ACAN: variants seen among roughly 807,000 people sequenced by gnomAD.
ACAN encodes the protein aggrecan core protein.
A neutral mutation model predicts 169.1 loss-of-function variants in ACAN; 47 were observed. The ratio of observed to expected loss-of-function variants is 0.28; its 90% CI spans 0.22 to 0.35. The LOEUF (loss-of-function observed/expected upper bound fraction) is 0.35. Among genes scored for constraint, ACAN ranks in the 10% least tolerant of loss-of-function variants. The probability of loss-of-function intolerance (pLI) is 1.00; values close to 1 mark genes in which losing one functional copy is unlikely to be tolerated. For missense variants in ACAN, 2,716 were observed against 2,759.9 expected, an observed-to-expected ratio of 0.98 and a Z score of 0.36; for synonymous variants, 1,115 against 1,112.2, an observed-to-expected ratio of 1.00 and a Z score of -0.05.
At chr15:88,836,358 A>C in intron 2 of ACAN, 82 bp downstream of exon 2, 1 of 1,226,706 alleles carries the variant, frequency 8.2e-7, no homozygotes. Flanking sequence ...ACCTGGTGCT[A>C]CTGGTCCCAG....
intron 2 of ACAN, 91 bp downstream of exon 2, chr15:88,836,367 A>T: frequency 8.7e-7 from 1 of 1,155,374 alleles, no homozygotes; most frequent in Non-Finnish European, 1.3e-6. Context: ...TACTGGTCCC[A>T]GGGATATAAT....
At position 88,858,175 on chromosome 15, in the gene ACAN, G is replaced by T. The variant is rs1897105618; in HGVS notation, c.5590G>T (p.Asp1864Tyr). 6.2e-7 allele frequency: 1 copy of T among 1,613,964 alleles called. No individual in the cohort carries two copies. Among genetic ancestry groups the T allele is most frequent in the Non-Finnish European group, 8.5e-7 (1 of 1,179,908 alleles). The change falls in exon 12 of 19, where the codon GAT becomes TAT. Residue 1864 changes from aspartate (D) to tyrosine (Y), a missense_variant. By Grantham distance (160) the Asp-to-Tyr change is radical. This residue lies in a region of ACAN where 1,389 missense variants were observed against 1,363.7 expected (regional missense o/e 1.02). Coordinates refer to ENST00000560601, the MANE Select transcript of ACAN (RefSeq NM_001369268.1). This position sits in a 1 kb window ranked among gnomAD's most constrained non-coding sequence, Gnocchi z 4.0. ...CAGTGGCCTCCCTTCCGGAGAGGCA[G>T]ATCTGTCAGGCAAATCTGGGATGGT... ...ELSGLPSGEA[D>Y]LSGKSGMVDV...
chr15:88,862,093 C>T (rs1055221272), intron 13 of ACAN, among the ~76,000 whole-genome samples: 10 of 152,318 alleles, frequency 6.6e-5, no homozygotes, highest in African/African-American at 2.4e-4. Flanking sequence ...AAATAAGAAA[C>T]TCCCTCTTGA....
In ACAN at chr15:88,859,218, TG is replaced by T; in HGVS notation, c.6634del (p.Val2212SerfsTer23). The T allele has an allele frequency of 6.2e-7, 1 of 1,613,868 alleles. No homozygotes were observed. On this transcript the variant is annotated frameshift_variant, in exon 12 of 19. Coordinates refer to ENST00000560601, the MANE Select transcript of ACAN (RefSeq NM_001369268.1). LOFTEE classifies it high-confidence loss of function. Reference protein sequence around the residue: ...LSGHTSQLGVVISTSIPESEW... With the variant: ...LSGHTSQLGVXISTSIPESEW... ...CTGGTCACACCTCGCAGCTGGGCGT[TG>T]TCATCAGCACCAGCATCCCAGAGTC...
At chr15:88,826,374 CTTTTTTTTTTTTTT>C (rs59069149) in intron 1 of ACAN, among the ~76,000 whole-genome samples, 2 of 111,588 alleles carry the variant, frequency 1.8e-5, no homozygotes, top group African/African-American at 7.1e-5. Context: ...CCTTTTTTTT[CTTTTTTTTTTTTTT>C]TTTTTGGAGC....
rs2280468 is a variant in ACAN, at chr15:88,838,325, C to T, written c.71-338C>T. Among the ~76,000 whole-genome samples, 54,046 of 152,020 alleles carry T rather than the reference C, an allele frequency of 0.36. 10,472 individuals are homozygous for T. The highest frequency in any genetic ancestry group is 0.52 in the African/African-American group (21,601 of 41,464). On this transcript the variant is annotated intron_variant, in intron 2 of 18. Coordinates refer to ENST00000560601, the MANE Select transcript of ACAN (RefSeq NM_001369268.1). This position sits in a 1 kb window ranked among gnomAD's most constrained non-coding sequence, Gnocchi z 5.1. Reference sequence around the variant, plus strand: ...AGGAGATGGGTCCTGTTTTATTCCACGCTTTGGTGCCCACTGCAGTACCCC... The same window carrying T: ...AGGAGATGGGTCCTGTTTTATTCCATGCTTTGGTGCCCACTGCAGTACCCC...
intron 1 of ACAN, among the ~76,000 whole-genome samples, chr15:88,812,845 A>T (rs1045879107): frequency 8.6e-5 from 13 of 151,910 alleles, no homozygotes; most frequent in African/African-American, 2.9e-4. Context: ...CACCAAGGGG[A>T]GTGAGGAGGT....
chr15:88,863,023 A>G (rs1298368545), intron 13 of ACAN, among the ~76,000 whole-genome samples: 5 of 151,416 alleles, frequency 3.3e-5, no homozygotes, highest in Non-Finnish European at 5.9e-5. Context: ...AAAAAGAAAC[A>G]AGACCATGGA....
At position 88,843,560 on chromosome 15, in the gene ACAN, C is replaced by T. The variant is rs765665954; in HGVS notation, c.963C>T (p.Asn321=). 1.9e-6 allele frequency: 3 copies of T among 1,612,640 alleles called. No homozygotes were observed. The highest frequency in any genetic ancestry group is 2.5e-6 in the Non-Finnish European group (3 of 1,179,612). The part of the protein sequence containing the change: ...ISKARPNCGG[N]LLGVRTVYVH... ...AGGCCCGGCCCAACTGCGGTGGCAACCTCCTGGGCGTGAGGACCGTCTACG... is the reference window on the plus strand; with the variant it reads ...AGGCCCGGCCCAACTGCGGTGGCAATCTCCTGGGCGTGAGGACCGTCTACG... The change falls in exon 6 of 19, where the codon AAC becomes AAT. Residue 321 remains asparagine (N), a synonymous_variant. Transcript: ENST00000560601. The surrounding 1 kb of genome is among the most constrained non-coding windows in gnomAD (Gnocchi z 4.0).
intron 1 of ACAN, among the ~76,000 whole-genome samples, chr15:88,804,496 G>C (rs755246865): frequency 1.3e-5 from 2 of 152,154 alleles, no homozygotes; most frequent in Non-Finnish European, 2.9e-5. Context: ...GTCCAACCAA[G>C]AAGGGGCATT....
intron 6 of ACAN, among the ~76,000 whole-genome samples, chr15:88,844,196 G>C (rs1316688099): frequency 1.1e-4 from 17 of 151,736 alleles, no homozygotes; most frequent in Non-Finnish European, 1.5e-5. Context: ...GTTCAGTGGT[G>C]TAATCATAGC....
At chr15:88,833,730 C>T (rs1463277325) in intron 1 of ACAN, among the ~76,000 whole-genome samples, 1 of 69,240 alleles carries the variant, frequency 1.4e-5, no homozygotes, top group Non-Finnish European at 2.6e-5. Flanking sequence ...TCCCCCTACC[C>T]CCACTCTCCT....
Position 88,858,639 on chromosome 15 carries a change from C to T in ACAN, c.6054C>T (p.Ser2018=). 2 of 1,613,940 alleles carry T rather than the reference C, an allele frequency of 1.2e-6. No homozygotes were observed. Among genetic ancestry groups the T allele is most frequent in the Admixed American group, 1.7e-5 (1 of 60,018 alleles). ...FASTTNVSGE[S]SVAMGTSGEA... ...GCACCACCAATGTAAGTGGAGAATC[C>T]TCTGTAGCCATGGGCACCAGTGGAG... Residue 2018 remains serine (S), a synonymous_variant, in exon 12 of 19, where the codon TCC becomes TCT. Transcript: ENST00000560601. This position sits in a 1 kb window ranked among gnomAD's most constrained non-coding sequence, Gnocchi z 4.0.
chr15:88,828,483 A>C (rs1049369681), intron 1 of ACAN, among the ~76,000 whole-genome samples: 1 of 151,846 alleles, frequency 6.6e-6, no homozygotes, highest in Non-Finnish European at 1.5e-5. Flanking sequence ...CCACCCTCCC[A>C]ACCTCACAAC....
chr15:88,864,714 A>C (rs1255510013), intron 13 of ACAN, among the ~76,000 whole-genome samples: 1 of 152,232 alleles, frequency 6.6e-6, no homozygotes, highest in Non-Finnish European at 1.5e-5. Context: ...AGGTCTTTGC[A>C]ACATGCAGAG....
rs1596157890 is a variant in ACAN at position 88,873,286 on chromosome 15, G to A, written c.7447+261G>A. Reference sequence around the variant, plus strand: ...ATGAAGGTCACAGGCTAGAAGACAGGACCCCCACTCCACACTCCACACAGT... The same window carrying A: ...ATGAAGGTCACAGGCTAGAAGACAGAACCCCCACTCCACACTCCACACAGT... On this transcript the variant is annotated intron_variant, in intron 17 of 18. Coordinates refer to ENST00000560601, the MANE Select transcript of ACAN (RefSeq NM_001369268.1). This position sits in a 1 kb window ranked among gnomAD's most constrained non-coding sequence, Gnocchi z 7.5. 6.6e-6 allele frequency among the ~76,000 whole-genome samples: 1 copy of A among 152,268 alleles called. No individual in the cohort carries two copies. Among genetic ancestry groups the A allele is most frequent in the South Asian group, 2.1e-4 (1 of 4,820 alleles).
rs200118502 is a variant in ACAN, at chr15:88,843,570, G to A, written c.973G>A (p.Val325Met). The A allele has an allele frequency of 5.9e-5, 95 of 1,612,176 alleles. 1 individual carries two copies. The highest frequency in any genetic ancestry group is 1.3e-4 in the South Asian group (12 of 91,022). Residue 325 changes from valine to methionine, a missense_variant, in exon 6 of 19, where the codon GTG (valine) becomes ATG (methionine). Around this residue, in one of 3 missense-constraint regions of ACAN, gnomAD observed 1,283 missense variants for 1,281.5 expected, o/e 1.00. Transcript: ENST00000560601. The surrounding 1 kb of genome is among the most constrained non-coding windows in gnomAD (Gnocchi z 4.0). ...RPNCGGNLLG[V>M]RTVYVHANQT... ...CAACTGCGGTGGCAACCTCCTGGGC[G>A]TGAGGACCGTCTACGTGCATGCCAA...
At position 88,874,408 on chromosome 15, in the gene ACAN, C is replaced by T. The variant is rs1434923438; in HGVS notation, c.7634C>T (p.Thr2545Ile). ...EEPQITCTDP[T>I]TYKRRLQKRS... Reference sequence around the variant, plus strand: ...TTCCATCTCCCTTTCGTCCTAGCCACCACCTACAAACGCAGACTACAGAAG... The same window carrying T: ...TTCCATCTCCCTTTCGTCCTAGCCATCACCTACAAACGCAGACTACAGAAG... Residue 2545 changes from threonine to isoleucine, a missense_variant, in exon 19 of 19, where the codon ACC (threonine) becomes ATC (isoleucine). By Grantham distance (89) the Thr-to-Ile change is moderately conservative (BLOSUM62 -1). Coordinates refer to ENST00000560601, the MANE Select transcript of ACAN (RefSeq NM_001369268.1). The surrounding 1 kb of genome is among the most constrained non-coding windows in gnomAD (Gnocchi z 7.3). 6.2e-7 allele frequency: 1 copy of T among 1,604,058 alleles called. No homozygotes were observed. The highest frequency in any genetic ancestry group is 2.2e-5 in the East Asian group (1 of 44,456).
intron 6 of ACAN, 111 bp from the exon 7 acceptor site, chr15:88,845,394 C>T: frequency 6.8e-7 from 1 of 1,462,972 alleles, no homozygotes; most frequent in Non-Finnish European, 9.1e-7. Context: ...TGGTGCCCTC[C>T]TGCCCCAGCA....
Sources: gnomAD v4.1 joint callset for allele counts (sites outside exome capture counted in the v4.1 genomes callset) on GRCh38, gnomAD v4.1.1 for gene constraint, gnomAD v4.1.1 regional missense constraint, Gnocchi (gnomAD v3.1) non-coding constraint, MANE v1.5 for transcripts, NCBI Gene and HGNC (gene_info 2026-07-23, HGNC 2026-07-21) for gene names.